Variants in NFKB1 observed in about 807,000 individuals in gnomAD.
NFKB1 encodes nuclear factor NF-kappa-B p105 subunit.
Under a neutral mutation model 105.1 loss-of-function variants are expected in NFKB1, and 9 were observed. The observed-to-expected ratio is 0.09, with a 90% CI of 0.05 to 0.15. The LOEUF (loss-of-function observed/expected upper bound fraction) is 0.15, where lower values mean the gene tolerates loss of function less well. Among genes scored for constraint, NFKB1 ranks in the 10% least tolerant of loss-of-function variants. The pLI is 1.00. For synonymous variants in NFKB1, 440 were observed against 442.2 expected, an observed-to-expected ratio of 1.00 and a Z score of 0.06; for missense variants, 830 against 1,203.7, an observed-to-expected ratio of 0.69 and a Z score of 4.59.
chr4:102,572,618 T>C (rs1299952467), intron 6 of NFKB1, among the ~76,000 whole-genome samples: 1 of 152,246 alleles, frequency 6.6e-6, no homozygotes, highest in Non-Finnish European at 1.5e-5. Flanking sequence ...CCAGCATCTG[T>C]TATCTTTTGA....
At chr4:102,542,263 C>T (rs1363493633) in intron 5 of NFKB1, among the ~76,000 whole-genome samples, 1 of 152,148 alleles carries the variant, frequency 6.6e-6, no homozygotes, top group Non-Finnish European at 1.5e-5. Context: ...TTCTAGAACT[C>T]AGGCTACTGA....
intron 15 of NFKB1, among the ~76,000 whole-genome samples, chr4:102,599,822 G>A (rs759833490): frequency 6.6e-6 from 1 of 152,198 alleles, no homozygotes; most frequent in Non-Finnish European, 1.5e-5. Context: ...GCATAGTCTG[G>A]TAAATCAAAG....
chr4:102,531,107 C>A (rs1162603566), intron 3 of NFKB1, among the ~76,000 whole-genome samples: 2 of 152,148 alleles, frequency 1.3e-5, no homozygotes, highest in African/African-American at 4.8e-5. Context: ...TTGGTTCTGT[C>A]CACAGGAAAT....
chr4:102,604,571 G>A (rs747867852), intron 16 of NFKB1, among the ~76,000 whole-genome samples: 3 of 151,778 alleles, frequency 2.0e-5, no homozygotes, highest in Admixed American at 1.3e-4. Flanking sequence ...ACATGTTACT[G>A]TATTTCTGCC....
chr4:102,524,053 C>G (rs1740739837), intron 1 of NFKB1, among the ~76,000 whole-genome samples: 1 of 151,898 alleles, frequency 6.6e-6, no homozygotes, highest in Non-Finnish European at 1.5e-5. Flanking sequence ...AAAATAACCC[C>G]AGGAATTAAT....
chr4:102,577,626 C>T, intron 7 of NFKB1: 1 of 165,532 alleles, frequency 6.0e-6, no homozygotes. Flanking sequence ...TGTATTTTGT[C>T]CTTTACTCTG....
At chr4:102,550,414 T>C (rs1722485686) in intron 5 of NFKB1, among the ~76,000 whole-genome samples, 1 of 152,174 alleles carries the variant, frequency 6.6e-6, no homozygotes. Context: ...AAATTGATTA[T>C]TTTAAAAATC....
intron 11 of NFKB1, among the ~76,000 whole-genome samples, chr4:102,585,422 A>G (rs1043444919): frequency 6.6e-6 from 1 of 152,234 alleles, no homozygotes; most frequent in Non-Finnish European, 1.5e-5. Flanking sequence ...TTGAGAATCT[A>G]ACATTTATTG....
At chr4:102,564,717 A>G (rs1723717209) in intron 5 of NFKB1, among the ~76,000 whole-genome samples, 1 of 152,222 alleles carries the variant, frequency 6.6e-6, no homozygotes, top group African/African-American at 2.4e-5. Flanking sequence ...CATAATGGTA[A>G]CATTGAAGAG....
intron 14 of NFKB1, among the ~76,000 whole-genome samples, chr4:102,597,004 G>T (rs1403998856): frequency 6.6e-6 from 1 of 152,012 alleles, no homozygotes; most frequent in Non-Finnish European, 1.5e-5. Context: ...AACAGGTTTT[G>T]GCCCAAAGGT....
chr4:102,599,615 G>C (rs563429853), intron 15 of NFKB1, among the ~76,000 whole-genome samples: 1 of 152,274 alleles, frequency 6.6e-6, no homozygotes, highest in African/African-American at 2.4e-5. Flanking sequence ...CCCCTATGCA[G>C]GATTGCTTAA....
rs1739421758 is a variant in NFKB1, at chr4:102,506,455, G to C, written c.-8+4667G>C. 1.3e-5 allele frequency among the ~76,000 whole-genome samples: 2 copies of C among 152,114 alleles called. 1 individual carries two copies. Among genetic ancestry groups the C allele is most frequent in the South Asian group, 4.1e-4 (2 of 4,826 alleles). ...AGATGGCAAACCTCAGGAACAAGCA[G>C]GCAGTTAGCAGGGTTTACTGTACTT... On this transcript the variant is annotated intron_variant, in intron 1 of 23. Transcript: ENST00000226574.
At chr4:102,549,446 TATA>T (rs1722403607) in intron 5 of NFKB1, among the ~76,000 whole-genome samples, 1 of 148,972 alleles carries the variant, frequency 6.7e-6, no homozygotes, top group Non-Finnish European at 1.5e-5. Context: ...TTTATATACA[TATA>T]ATATATATTC....
Position 102,551,367 on chromosome 4 carries a change from T to TGTGTGTGTGTGCGCGC in NFKB1, c.258+13412_258+13413insTGTGTGTGTGCGCGCG, listed in dbSNP as rs370790173. 2.8e-3 allele frequency among the ~76,000 whole-genome samples: 416 copies of TGTGTGTGTGTGCGCGC among 150,192 alleles called. 4 individuals carry two copies. Among genetic ancestry groups the TGTGTGTGTGTGCGCGC allele is most frequent in the African/African-American group, 1.0e-2 (408 of 40,946 alleles). On this transcript the variant is annotated intron_variant, in intron 5 of 23. Transcript: ENST00000226574. ...AAATTGGTGTGTGTGTGTGTGTGTG[T>TGTGTGTGTGTGCGCGC]GCGCGCGCGCATGTGTGTGTGTGTG...
chr4:102,562,045 G>A (rs999100126), intron 5 of NFKB1, among the ~76,000 whole-genome samples: 7 of 152,170 alleles, frequency 4.6e-5, no homozygotes, highest in African/African-American at 1.7e-4. Flanking sequence ...TAGGGAAGTG[G>A]AGGAACAACC....
intron 1 of NFKB1, among the ~76,000 whole-genome samples, chr4:102,513,959 G>T (rs1739949143): frequency 6.6e-6 from 1 of 151,982 alleles, no homozygotes; most frequent in Non-Finnish European, 1.5e-5. Context: ...AAATCATGAG[G>T]TCAGGAGATC....
rs1233818072 is a variant in NFKB1 at position 102,576,949 on chromosome 4, G to T, written c.481G>T (p.Ala161Ser). The T allele has an allele frequency of 6.2e-7, 1 of 1,613,920 alleles. No individual in the cohort carries two copies. Among genetic ancestry groups the T allele is most frequent in the Non-Finnish European group, 8.5e-7 (1 of 1,179,948 alleles). ...FETLEARMTE[A>S]CIRGYNPGLL... ...AACACTGGAAGCACGAATGACAGAG[G>T]CGTGTATAAGGGGCTATAATCCTGG... The change falls in exon 7 of 24, where the codon GCG (alanine) becomes TCG (serine). Residue 161 changes from alanine (A) to serine (S), a missense_variant. Around this residue, in one of 8 missense-constraint regions of NFKB1, gnomAD observed 80 missense variants for 122.6 expected, o/e 0.65. Transcript: ENST00000226574.
chr4:102,521,898 C>T (rs1273104728), intron 1 of NFKB1, among the ~76,000 whole-genome samples: 1 of 152,184 alleles, frequency 6.6e-6, no homozygotes, highest in Non-Finnish European at 1.5e-5. Flanking sequence ...AATTCACTGG[C>T]TATTTTATTT....
chr4:102,608,641 C>A (rs1236508506), intron 19 of NFKB1, among the ~76,000 whole-genome samples: 4 of 144,142 alleles, frequency 2.8e-5, no homozygotes, highest in Non-Finnish European at 6.0e-5. Context: ...CCTGACATAT[C>A]TGATATACTT....
Sources: gnomAD v4.1 joint callset for allele counts (sites outside exome capture counted in the v4.1 genomes callset) on GRCh38, gnomAD v4.1.1 for gene constraint, gnomAD v4.1.1 regional missense constraint, MANE v1.5 for transcripts, NCBI Gene and HGNC (gene_info 2026-07-23, HGNC 2026-07-21) for gene names.